Variants in LRRTM4 observed in about 807,000 individuals in gnomAD.
LRRTM4 encodes leucine rich repeat transmembrane neuronal 4.
In LRRTM4, 25 loss-of-function variants were observed where a neutral mutation model predicts 47.6. That is an observed-to-expected ratio of 0.53 (90% confidence interval 0.38 to 0.73). The LOEUF (loss-of-function observed/expected upper bound fraction) is 0.73. Ranked by LOEUF, LRRTM4 falls within the 30% of genes least tolerant of loss-of-function variation. The pLI is 0.00. For synonymous variants in LRRTM4, 311 were observed against 269.5 expected, an observed-to-expected ratio of 1.15 and a Z score of -1.51; for missense variants, 638 against 713.4, an observed-to-expected ratio of 0.89 and a Z score of 1.20.
At chr2:77,058,895 G>C in intron 3 of LRRTM4, among the ~76,000 whole-genome samples, 1 of 151,926 alleles carries the variant, frequency 6.6e-6, no homozygotes, top group East Asian at 1.9e-4. Flanking sequence ...AGTAAGTCTT[G>C]GTTTTAATTG....
At chr2:76,813,380 C>T (rs1670802453) in intron 3 of LRRTM4, among the ~76,000 whole-genome samples, 1 of 151,954 alleles carries the variant, frequency 6.6e-6, no homozygotes. Flanking sequence ...TTTTATCAGC[C>T]CTGCACTTGC....
At chr2:76,823,351 C>T (rs1671104618) in intron 3 of LRRTM4, among the ~76,000 whole-genome samples, 1 of 151,350 alleles carries the variant, frequency 6.6e-6, no homozygotes, top group Non-Finnish European at 1.5e-5. Flanking sequence ...AATACATAAT[C>T]ATGTAGAAAT....
intron 3 of LRRTM4, among the ~76,000 whole-genome samples, chr2:77,354,429 G>C (rs926895437): frequency 6.6e-6 from 1 of 151,804 alleles, no homozygotes; most frequent in East Asian, 1.9e-4. Flanking sequence ...TGTATTTATT[G>C]GGTGGGGGTG....
At chr2:77,302,446 G>A (rs997484791) in intron 3 of LRRTM4, among the ~76,000 whole-genome samples, 3 of 152,122 alleles carry the variant, frequency 2.0e-5, no homozygotes, top group Non-Finnish European at 2.9e-5. Flanking sequence ...TCTAAAGCAC[G>A]AATACTGGGA....
chr2:76,806,618 T>C (rs546886426), intron 3 of LRRTM4, among the ~76,000 whole-genome samples: 1 of 152,038 alleles, frequency 6.6e-6, no homozygotes, highest in African/African-American at 2.4e-5. Flanking sequence ...AACATATTTA[T>C]AAATGAATAA....
chr2:77,190,351 A>G (rs1025248386), intron 3 of LRRTM4, among the ~76,000 whole-genome samples: 1 of 144,532 alleles, frequency 6.9e-6, no homozygotes, highest in East Asian at 2.0e-4. Flanking sequence ...GCTGGAGAGC[A>G]ACGGCACGAT....
At chr2:76,979,237 C>T (rs1676515705) in intron 3 of LRRTM4, among the ~76,000 whole-genome samples, 1 of 151,942 alleles carries the variant, frequency 6.6e-6, no homozygotes, top group Admixed American at 6.6e-5. Context: ...TGGAATTCTG[C>T]ATGAGTAAGT....
intron 3 of LRRTM4, among the ~76,000 whole-genome samples, chr2:77,142,789 C>T (rs1216477437): frequency 2.0e-5 from 3 of 152,124 alleles, no homozygotes; most frequent in African/African-American, 7.2e-5. Context: ...ATCTGATTCT[C>T]ATAACACGTA....
chr2:77,446,929 G>A (rs1443774011), intron 3 of LRRTM4, among the ~76,000 whole-genome samples: 2 of 152,008 alleles, frequency 1.3e-5, no homozygotes, highest in Non-Finnish European at 2.9e-5. Context: ...AAACTTTCTT[G>A]ACAAATCAAA....
chr2:77,473,888 C>T (rs1677281674), intron 3 of LRRTM4, among the ~76,000 whole-genome samples: 1 of 152,118 alleles, frequency 6.6e-6, no homozygotes, highest in Non-Finnish European at 1.5e-5. Context: ...TCAAGCCAAG[C>T]CCGCTTGTAC....
chr2:76,782,339 G>T (rs1339151782), intron 3 of LRRTM4, among the ~76,000 whole-genome samples: 1 of 152,128 alleles, frequency 6.6e-6, no homozygotes, highest in Non-Finnish European at 1.5e-5. Context: ...AAGCAATTCA[G>T]CTTTTTCTTG....
In LRRTM4 at chr2:77,401,524, T is replaced by C. The variant is rs565949832; in HGVS notation, c.1551+116794A>G. On this transcript the variant is annotated intron_variant, in intron 3 of 3. Transcript: ENST00000409884. Reference sequence around the variant, plus strand: ...TCTCTAGAATATAAGCCATAGACTTTATCTTGTTCACTATTGAATTCCTAG... The same window carrying C: ...TCTCTAGAATATAAGCCATAGACTTCATCTTGTTCACTATTGAATTCCTAG... 2.4e-4 allele frequency among the ~76,000 whole-genome samples: 37 copies of C among 152,096 alleles called. 1 individual carries two copies. Among genetic ancestry groups the C allele is most frequent in the African/African-American group, 7.9e-4 (33 of 41,540 alleles).
chr2:76,876,489 G>T (rs1282260420), intron 3 of LRRTM4, among the ~76,000 whole-genome samples: 1 of 148,928 alleles, frequency 6.7e-6, no homozygotes, highest in Non-Finnish European at 1.5e-5. Context: ...TTTCCCCTTG[G>T]ATAAAAATGT....
chr2:76,926,474 G>A (rs17013364), intron 3 of LRRTM4, among the ~76,000 whole-genome samples: 12,073 of 152,142 alleles, frequency 0.079, 821 homozygotes, highest in East Asian at 0.34. Context: ...TTGGGCCCGA[G>A]GTTAAATGCT....
intron 3 of LRRTM4, among the ~76,000 whole-genome samples, chr2:76,940,384 G>T (rs909070897): frequency 6.6e-6 from 1 of 152,064 alleles, no homozygotes; most frequent in African/African-American, 2.4e-5. Flanking sequence ...ACTGACGCAG[G>T]AACAGAAAAT....
At chr2:77,016,471 C>T (rs147026017) in intron 3 of LRRTM4, among the ~76,000 whole-genome samples, 7 of 151,664 alleles carry the variant, frequency 4.6e-5, no homozygotes, top group South Asian at 4.2e-4. Flanking sequence ...TCAGATTTAA[C>T]GGGCCAGGGT....
intron 3 of LRRTM4, among the ~76,000 whole-genome samples, chr2:76,882,552 A>T (rs1672962598): frequency 6.6e-6 from 1 of 151,832 alleles, no homozygotes; most frequent in South Asian, 2.1e-4. Context: ...ATAAAAAAAA[A>T]AATTAACCAA....
intron 3 of LRRTM4, among the ~76,000 whole-genome samples, chr2:77,495,668 CT>C (rs1431002729): frequency 6.6e-6 from 1 of 151,932 alleles, no homozygotes; most frequent in Non-Finnish European, 1.5e-5. Flanking sequence ...TGCCTTTGCA[CT>C]TTTGTCAAAG....
chr2:76,836,191 C>T (rs2103914101), intron 3 of LRRTM4, among the ~76,000 whole-genome samples: 1 of 150,742 alleles, frequency 6.6e-6, no homozygotes, highest in East Asian at 2.0e-4. Context: ...GTGAAGGAAA[C>T]TACCTGAATA....
Sources: allele counts gnomAD v4.1 joint callset (sites outside exome capture counted in the v4.1 genomes callset), GRCh38; gene constraint gnomAD v4.1.1; transcripts MANE v1.5; gene names NCBI Gene and HGNC (gene_info 2026-07-23, HGNC 2026-07-21).